GALNTL6: variants seen among roughly 807,000 people sequenced by gnomAD.
GALNTL6 encodes polypeptide N-acetylgalactosaminyltransferase like 6.
In GALNTL6, 46 loss-of-function variants were observed where a neutral mutation model predicts 73.7. That is an observed-to-expected ratio of 0.62 (90% CI 0.49 to 0.80). GALNTL6 has a LOEUF of 0.80. GALNTL6 is among the 30% of genes least tolerant of loss of function. GALNTL6 has a pLI of 0.00. For synonymous variants in GALNTL6, 259 were observed against 263.7 expected (o/e 0.98, Z 0.17); for missense variants, 604 against 755.0 (o/e 0.80, Z 2.34).
At chr4:172,620,134 A>G (rs1738898497) in intron 5 of GALNTL6, among the ~76,000 whole-genome samples, 1 of 152,188 alleles carries the variant, frequency 6.6e-6, no homozygotes, top group Admixed American at 6.5e-5. Context: ...AGCTTATGTA[A>G]ACTTTGCTAA....
At chr4:171,923,149 A>G (rs1270421720) in intron 2 of GALNTL6, among the ~76,000 whole-genome samples, 3 of 152,144 alleles carry the variant, frequency 2.0e-5, no homozygotes, top group African/African-American at 7.2e-5. Context: ...CCAAGTTCAA[A>G]ATATTGATAG....
chr4:172,287,937 G>C (rs1434910076), intron 3 of GALNTL6, among the ~76,000 whole-genome samples: 3 of 152,116 alleles, frequency 2.0e-5, no homozygotes, highest in Non-Finnish European at 4.4e-5. Flanking sequence ...AAACCTGTAA[G>C]CAGGGTAGAA....
At chr4:172,312,219 G>T (rs1740386285) in intron 4 of GALNTL6, among the ~76,000 whole-genome samples, 1 of 152,168 alleles carries the variant, frequency 6.6e-6, no homozygotes, top group Admixed American at 6.5e-5. Context: ...GTGATAAGTA[G>T]TGATTGCTGG....
At chr4:172,395,732 A>G (rs1335892867) in intron 5 of GALNTL6, among the ~76,000 whole-genome samples, 3 of 152,206 alleles carry the variant, frequency 2.0e-5, no homozygotes, top group Non-Finnish European at 4.4e-5. Flanking sequence ...GAGATGAAAT[A>G]TTACAAATTT....
intron 5 of GALNTL6, among the ~76,000 whole-genome samples, chr4:172,788,626 C>G (rs1739809811): frequency 2.0e-5 from 3 of 146,526 alleles, no homozygotes; most frequent in Admixed American, 6.9e-5. Context: ...GGGCCGATAT[C>G]GCACCACTGC....
At chr4:172,698,488 C>A (rs1187590711) in intron 5 of GALNTL6, among the ~76,000 whole-genome samples, 3 of 152,126 alleles carry the variant, frequency 2.0e-5, no homozygotes, top group Admixed American at 2.0e-4. Flanking sequence ...GTGGGCTTTG[C>A]CTCCCACGTG....
At chr4:172,611,815 A>G (rs1357730210) in intron 5 of GALNTL6, among the ~76,000 whole-genome samples, 1 of 152,044 alleles carries the variant, frequency 6.6e-6, no homozygotes, top group Non-Finnish European at 1.5e-5. Context: ...TCAAGGGTAT[A>G]TATCAAGAAG....
At chr4:172,830,492 CA>C (rs776996745) in intron 7 of GALNTL6, among the ~76,000 whole-genome samples, 1 of 152,132 alleles carries the variant, frequency 6.6e-6, no homozygotes, top group Non-Finnish European at 1.5e-5. Flanking sequence ...AGAAAACGGA[CA>C]AAAGGTCAAA....
At chr4:172,075,965 T>C (rs894560199) in intron 2 of GALNTL6, among the ~76,000 whole-genome samples, 3 of 152,246 alleles carry the variant, frequency 2.0e-5, no homozygotes, top group African/African-American at 7.2e-5. Flanking sequence ...AGCTCTTTAA[T>C]GTATTCACAC....
Position 171,956,317 on chromosome 4 carries a change from C to T in GALNTL6, c.138+141599C>T, listed in dbSNP as rs1579005269. On this transcript the variant is annotated intron_variant, in intron 2 of 12. Transcript: ENST00000506823. ...CACTGTACCCAGCCATTTATTAGTA[C>T]TTCAAAATTATTTTTAAATGATATA... is the stretch of plus-strand genomic sequence containing the variant. Among the ~76,000 whole-genome samples, 2 of 152,200 alleles carry T rather than the reference C, an allele frequency of 1.3e-5. 1 individual carries two copies. The highest frequency in any genetic ancestry group is 4.1e-4 in the South Asian group (2 of 4,820).
intron 7 of GALNTL6, among the ~76,000 whole-genome samples, chr4:172,820,144 C>T (rs550347382): frequency 1.3e-5 from 2 of 152,320 alleles, no homozygotes; most frequent in Non-Finnish European, 2.9e-5. Flanking sequence ...GTTCATAAAG[C>T]CGTGGACCCA....
At chr4:172,533,804 C>T (rs1463712354) in intron 5 of GALNTL6, among the ~76,000 whole-genome samples, 1 of 152,090 alleles carries the variant, frequency 6.6e-6, no homozygotes, top group Admixed American at 6.6e-5. Context: ...GAGATTATAA[C>T]TAACATGACT....
At chr4:173,005,589 T>C (rs1240614565) in intron 10 of GALNTL6, among the ~76,000 whole-genome samples, 2 of 152,202 alleles carry the variant, frequency 1.3e-5, no homozygotes, top group Admixed American at 1.3e-4. Flanking sequence ...TAGAATTGTA[T>C]CCACTTGTTT....
chr4:172,011,733 A>C (rs1322809867), intron 2 of GALNTL6, among the ~76,000 whole-genome samples: 10 of 152,064 alleles, frequency 6.6e-5, no homozygotes, highest in Non-Finnish European at 7.4e-5. Context: ...ATTTAGGAAA[A>C]AGGTCATTTG....
rs147028698 is a variant in GALNTL6, at chr4:172,762,193, G to T, written c.554-47168G>T. Among the ~76,000 whole-genome samples, 845 of 152,246 alleles carry T rather than the reference G, an allele frequency of 5.6e-3. 5 individuals are homozygous for T. Among genetic ancestry groups the T allele is most frequent in the African/African-American group, 0.02 (811 of 41,550 alleles). The stretch of plus-strand genomic sequence containing the variant: ...TAGATTTTCATTTTTTTAATAGCCT[G>T]CAAAAGCGTACTTGAGCAGCAATGT... On this transcript the variant is annotated intron_variant, in intron 5 of 12. Transcript: ENST00000506823.
intron 5 of GALNTL6, among the ~76,000 whole-genome samples, chr4:172,734,801 G>A (rs1032161293): frequency 9.2e-5 from 14 of 152,266 alleles, no homozygotes; most frequent in African/African-American, 3.4e-4. Flanking sequence ...GCCAGGACTT[G>A]GTGCCCTGCA....
intron 5 of GALNTL6, among the ~76,000 whole-genome samples, chr4:172,738,839 G>T (rs1247344245): frequency 2.0e-5 from 3 of 152,152 alleles, no homozygotes; most frequent in Admixed American, 2.0e-4. Context: ...AAGCAGGTGG[G>T]TCGGGGGAGT....
intron 2 of GALNTL6, among the ~76,000 whole-genome samples, chr4:171,821,077 C>A (rs1229171317): frequency 6.6e-6 from 1 of 152,014 alleles, no homozygotes; most frequent in Non-Finnish European, 1.5e-5. Flanking sequence ...ACTCTGCCAC[C>A]CCAGCTAGAG....
chr4:171,831,395 CAT>C (rs1015476105), intron 2 of GALNTL6, among the ~76,000 whole-genome samples: 5 of 151,906 alleles, frequency 3.3e-5, no homozygotes, highest in African/African-American at 1.2e-4. Context: ...AATTAAATAA[CAT>C]TGTGTTTGGT....
Sources: gnomAD v4.1 joint callset for allele counts (sites outside exome capture counted in the v4.1 genomes callset) on GRCh38, gnomAD v4.1.1 for gene constraint, MANE v1.5 for transcripts, NCBI Gene and HGNC (gene_info 2026-07-23, HGNC 2026-07-21) for gene names.